BCAR1: variants seen among roughly 807,000 people sequenced by gnomAD.
BCAR1 encodes the protein breast cancer anti-estrogen resistance protein 1.
A neutral mutation model predicts 67.6 loss-of-function variants in BCAR1; 30 were observed. The ratio of observed to expected loss-of-function variants is 0.44; its 90% CI spans 0.33 to 0.60. The LOEUF (loss-of-function observed/expected upper bound fraction) is 0.60. Among genes scored for constraint, BCAR1 ranks in the 20% least tolerant of loss-of-function variants. The pLI, the probability that BCAR1 is intolerant of heterozygous loss-of-function variation, is 0.02. For missense variants in BCAR1, 1,313 were observed against 1,222.3 expected, an observed-to-expected ratio of 1.07 and a Z score of -1.11; for synonymous variants, 626 against 556.7, an observed-to-expected ratio of 1.12 and a Z score of -1.75.
chr16:75,230,188 A>C (rs1469632311), intron 6 of BCAR1, among the ~76,000 whole-genome samples, 165 bp from the exon 7 acceptor site: 10 of 152,204 alleles, frequency 6.6e-5, no homozygotes, highest in Admixed American at 6.5e-4. Context: ...CGGGACCAGG[A>C]ACCATGGCAA....
At chr16:75,267,120 A>C (rs1326693844) in intron 1 of BCAR1, among the ~76,000 whole-genome samples, 1 of 152,140 alleles carries the variant, frequency 6.6e-6, no homozygotes, top group Non-Finnish European at 1.5e-5. Flanking sequence ...AGGGGCGTGC[A>C]GCCTTGATCT....
rs374251479 is a variant in BCAR1 at position 75,229,652 on chromosome 16, G to A, written c.2472C>T (p.Arg824=). The A allele has an allele frequency of 6.9e-5, 112 of 1,612,592 alleles. No homozygotes were observed. The highest frequency in any genetic ancestry group is 8.1e-5 in the Non-Finnish European group (96 of 1,179,930). Residue 824 remains arginine (R), a synonymous_variant, in exon 7 of 7, where the codon CGC becomes CGT. Coordinates refer to ENST00000162330, the MANE Select transcript of BCAR1 (RefSeq NM_014567.5). ...HYSNLLCDLL[R]GIVATTKAAA... ...CGGCCTTGGTGGTGGCCACGATGCC[G>A]CGCAGGAGGTCGCACAGCAGGTTGC...
Position 75,229,733 on chromosome 16 carries a change from G to A in BCAR1, c.2391C>T (p.Asp797=). The A allele has an allele frequency of 6.2e-7, 1 of 1,613,354 alleles. No individual in the cohort carries two copies. The highest frequency in any genetic ancestry group is 8.5e-7 in the Non-Finnish European group (1 of 1,179,962). The change falls in exon 7 of 7, where the codon GAC becomes GAT. Residue 797 remains aspartate, a synonymous_variant. Coordinates refer to ENST00000162330, the MANE Select transcript of BCAR1 (RefSeq NM_014567.5). ...LSAHKLVFIG[D]TLSRQAKAAD... ...CAGCCTTGGCCTGCCGTGACAGTGT[G>A]TCCCCGATGAACACCAGCTTGTGGG...
At chr16:75,244,640 G>C (rs2151442330) in intron 1 of BCAR1, among the ~76,000 whole-genome samples, 1 of 152,348 alleles carries the variant, frequency 6.6e-6, no homozygotes, top group Non-Finnish European at 1.5e-5. Flanking sequence ...TTTCTCCAGA[G>C]CAGCTAGGAG....
intron 2 of BCAR1, chr16:75,237,942 C>T (rs914352437): frequency 2.9e-5 from 28 of 955,680 alleles, no homozygotes; most frequent in Admixed American, 9.9e-5. Flanking sequence ...TGCTGGGGGG[C>T]GCAGCAGCTG....
intron 1 of BCAR1, among the ~76,000 whole-genome samples, chr16:75,267,104 T>C (rs1479357255): frequency 3.9e-5 from 6 of 152,162 alleles, no homozygotes; most frequent in African/African-American, 1.4e-4. Context: ...TCAGCCTTTT[T>C]CCCCAAGGGG....
At chr16:75,266,933 G>T in intron 1 of BCAR1, 1 of 279,300 alleles carries the variant, frequency 3.6e-6, no homozygotes. Context: ...GCTGCCTAGG[G>T]AATCTCTGTG....
intron 1 of BCAR1, among the ~76,000 whole-genome samples, chr16:75,260,011 T>C (rs910123162): frequency 2.6e-5 from 4 of 151,946 alleles, no homozygotes; most frequent in Non-Finnish European, 2.9e-5. Context: ...CTGGCCAACA[T>C]GGTGAAACCC....
Position 75,235,487 on chromosome 16 carries a change from C to A in BCAR1, c.1412G>T (p.Ser471Ile). The A allele has an allele frequency of 6.2e-7, 1 of 1,602,658 alleles. No homozygotes were observed. The highest frequency in any genetic ancestry group is 8.5e-7 in the Non-Finnish European group (1 of 1,175,824). The part of the protein sequence containing the change: ...EALARLQQGV[S>I]ATVAHLLDLA... ...GTCCAGAAGGTGGGCAACGGTGGCG[C>A]TCACACCCTGCTGCAGCCGTGCCAG... The change falls in exon 5 of 7, where the codon AGC (serine) becomes ATC (isoleucine). Residue 471 changes from serine (S) to isoleucine (I), a missense_variant. Physicochemically the swap from Ser to Ile is moderately radical, Grantham distance 142. Coordinates refer to ENST00000162330, the MANE Select transcript of BCAR1 (RefSeq NM_014567.5).
chr16:75,255,187 G>A (rs1300758871), upstream of BCAR1, among the ~76,000 whole-genome samples: 1 of 152,230 alleles, frequency 6.6e-6, no homozygotes, highest in East Asian at 1.9e-4. Flanking sequence ...AGTGAAAAGA[G>A]CAGGCTAAAA....
At chr16:75,264,827 C>G (rs1304570054) in intron 1 of BCAR1, 1 of 279,190 alleles carries the variant, frequency 3.6e-6, no homozygotes. Context: ...GGACAGGGCT[C>G]TGGAGGGAAA....
At chr16:75,238,971 T>A in intron 2 of BCAR1, 6 of 985,338 alleles carry the variant, frequency 6.1e-6, no homozygotes, top group Non-Finnish European at 7.2e-6. Flanking sequence ...AAAAGCACCC[T>A]GCCGGTGGCC....
At chr16:75,264,195 G>T (rs990153957) in intron 1 of BCAR1, 1 of 1,335,140 alleles carries the variant, frequency 7.5e-7, no homozygotes, top group Non-Finnish European at 9.6e-7. Context: ...GTCCTGTAAG[G>T]CAAGGGGTCA....
intron 6 of BCAR1, among the ~76,000 whole-genome samples, chr16:75,231,316 C>T (rs1392394275): frequency 1.3e-5 from 2 of 152,118 alleles, no homozygotes; most frequent in African/African-American, 4.8e-5. Flanking sequence ...AACTCCTGAC[C>T]TCAGATGATC....
At chr16:75,250,609 A>G (rs775015305) in intron 1 of BCAR1, 52 of 982,816 alleles carry the variant, frequency 5.3e-5, no homozygotes, top group Non-Finnish European at 6.0e-5. Context: ...AACATCTTCC[A>G]GGCCGTAAGC....
rs538720061 is a variant in BCAR1 at position 75,263,914 on chromosome 16, C to T, written c.66+4001G>A. 30 of 1,071,460 alleles carry T rather than the reference C, an allele frequency of 2.8e-5. No homozygotes were observed. The African/African-American group carries it at 4.8e-4, about 17-fold the overall frequency. 66.4% of individuals were successfully genotyped at this position (1,071,460 alleles called of 1,614,324 possible). A position where few individuals can be genotyped will look rare whatever the true frequency, so the allele number is the denominator to read the frequency against. ...ATGAATTCTCCTCTTGGCCCCACCACCTCACACACTGCCCAAGGTCCCAGG... is the reference window on the plus strand; with the variant it reads ...ATGAATTCTCCTCTTGGCCCCACCATCTCACACACTGCCCAAGGTCCCAGG... On this transcript the variant is annotated intron_variant, in intron 1 of 6. Coordinates refer to the BCAR1 transcript ENST00000393422.
At chr16:75,230,322 C>T (rs749647703) in intron 6 of BCAR1, among the ~76,000 whole-genome samples, 27 of 152,210 alleles carry the variant, frequency 1.8e-4, no homozygotes, top group Middle Eastern at 3.4e-3. Flanking sequence ...GGGGGGTCAC[C>T]GTCCTGGCTT....
At chr16:75,230,098 C>T (rs919794721) in intron 6 of BCAR1, 75 bp from the exon 7 acceptor site, 16 of 1,494,124 alleles carry the variant, frequency 1.1e-5, no homozygotes, top group Middle Eastern at 1.9e-4. Flanking sequence ...CCTGGGCACC[C>T]TGGGCTGGGC....
At chr16:75,238,911 C>T (rs1182911462) in intron 2 of BCAR1, 1 of 985,288 alleles carries the variant, frequency 1.0e-6, no homozygotes, top group African/African-American at 1.7e-5. Context: ...GGGACCCAGC[C>T]TCAAGGCTCA....
Sources: allele counts gnomAD v4.1 joint callset (sites outside exome capture counted in the v4.1 genomes callset), GRCh38; gene constraint gnomAD v4.1.1; transcripts MANE v1.5; gene names NCBI Gene and HGNC (gene_info 2026-07-23, HGNC 2026-07-21).